The following METTL25 variants were observed in gnomAD, a reference collection of about 807,000 sequenced individuals.
METTL25 encodes probable methyltransferase-like protein 25.
METTL25 carries 64 observed loss-of-function variants against 71.6 expected under a neutral mutation model. The ratio of observed to expected loss-of-function variants is 0.89; its 90% CI spans 0.73 to 1.10. The LOEUF is 1.10. METTL25 is among the 50% of genes least tolerant of loss of function. METTL25 has a pLI of 0.00. For missense variants in METTL25, 807 were observed against 707.0 expected (o/e 1.14, Z -1.60); for synonymous variants, 287 against 250.3 (o/e 1.15, Z -1.38).
intron 9 of METTL25, among the ~76,000 whole-genome samples, chr12:82,463,672 A>G (rs1205040777): frequency 6.6e-6 from 1 of 152,034 alleles, no homozygotes; most frequent in Non-Finnish European, 1.5e-5. Context: ...TCTTCTCCAT[A>G]GTGGCTATAC....
At chr12:82,393,909 G>C (rs1885839691) in intron 3 of METTL25, among the ~76,000 whole-genome samples, 1 of 151,642 alleles carries the variant, frequency 6.6e-6, no homozygotes. Flanking sequence ...TACTACTTTT[G>C]CTGTATCCCG....
intron 2 of METTL25, among the ~76,000 whole-genome samples, chr12:82,389,308 T>G (rs7969570): frequency 1.3e-5 from 2 of 152,098 alleles, no homozygotes; most frequent in African/African-American, 4.8e-5. Context: ...TATATTTGAT[T>G]TTAGTGTAAA....
At chr12:82,393,126 C>T (rs1885750317) in intron 3 of METTL25, among the ~76,000 whole-genome samples, 1 of 151,940 alleles carries the variant, frequency 6.6e-6, no homozygotes, top group South Asian at 2.1e-4. Flanking sequence ...TTTTGTGATT[C>T]CACATAAATT....
At chr12:82,444,688 A>G (rs552543548) in intron 8 of METTL25, among the ~76,000 whole-genome samples, 33 of 152,286 alleles carry the variant, frequency 2.2e-4, no homozygotes, top group African/African-American at 7.9e-4. Flanking sequence ...TAGCTTTTTT[A>G]TAGTAACAAA....
At chr12:82,450,402 A>AT in intron 8 of METTL25, among the ~76,000 whole-genome samples, 1 of 151,676 alleles carries the variant, frequency 6.6e-6, no homozygotes, top group Middle Eastern at 3.4e-3. Context: ...AATATATGTA[A>AT]TTTTTTTTCA....
intron 9 of METTL25, among the ~76,000 whole-genome samples, chr12:82,475,420 G>C (rs1039293865): frequency 2.0e-5 from 3 of 151,840 alleles, no homozygotes; most frequent in African/African-American, 7.3e-5. Context: ...TTTCTGGAAG[G>C]CTTCACAAGA....
intron 1 of METTL25, among the ~76,000 whole-genome samples, chr12:82,386,077 C>T (rs144578933): frequency 1.2e-3 from 186 of 152,240 alleles, no homozygotes; most frequent in African/African-American, 4.4e-3. Context: ...GACATTTACA[C>T]ACTAAGCTTA....
At chr12:82,435,296 C>G in intron 7 of METTL25, among the ~76,000 whole-genome samples, 1 of 150,870 alleles carries the variant, frequency 6.6e-6, no homozygotes, top group South Asian at 2.1e-4. Context: ...TTAAATTTAA[C>G]CTAAAGTTTA....
intron 1 of METTL25, among the ~76,000 whole-genome samples, chr12:82,365,599 A>G (rs1592579271): frequency 6.6e-6 from 1 of 152,242 alleles, no homozygotes; most frequent in Non-Finnish European, 1.5e-5. Flanking sequence ...AATCTGTAAC[A>G]TTCTCAGCAG....
chr12:82,471,044 A>C (rs140147429), intron 9 of METTL25, among the ~76,000 whole-genome samples: 3 of 152,314 alleles, frequency 2.0e-5, no homozygotes, highest in African/African-American at 7.2e-5. Context: ...TGTTCTGCAG[A>C]GGTCTAAGAA....
intron 3 of METTL25, among the ~76,000 whole-genome samples, chr12:82,394,452 C>A (rs10862486): frequency 5.3e-5 from 8 of 151,988 alleles, no homozygotes; most frequent in Non-Finnish European, 1.0e-4. Flanking sequence ...CCCTACATGC[C>A]GAACACCTTT....
At chr12:82,411,493 G>A (rs1887553208) in intron 5 of METTL25, among the ~76,000 whole-genome samples, 1 of 151,750 alleles carries the variant, frequency 6.6e-6, no homozygotes, top group Admixed American at 6.6e-5. Context: ...TTACCATAAA[G>A]TGGGGTATAT....
chr12:82,473,738 G>A (rs769236402), intron 9 of METTL25, among the ~76,000 whole-genome samples: 38 of 152,134 alleles, frequency 2.5e-4, no homozygotes, highest in African/African-American at 8.0e-4. Flanking sequence ...GAGAGGGCAC[G>A]CAGCAATTTT....
chr12:82,396,881 A>C (rs1028359369), intron 3 of METTL25, among the ~76,000 whole-genome samples: 4 of 152,150 alleles, frequency 2.6e-5, no homozygotes, highest in African/African-American at 9.6e-5. Flanking sequence ...TCCACTTAGC[A>C]CATAGTATTT....
At chr12:82,417,056 A>G (rs1367296943) in intron 5 of METTL25, among the ~76,000 whole-genome samples, 1 of 152,140 alleles carries the variant, frequency 6.6e-6, no homozygotes, top group Non-Finnish European at 1.5e-5. Context: ...AGAGTGTGTC[A>G]ATCTACATGG....
intron 1 of METTL25, among the ~76,000 whole-genome samples, chr12:82,377,536 A>G (rs1224182792): frequency 6.6e-6 from 1 of 152,218 alleles, no homozygotes; most frequent in Non-Finnish European, 1.5e-5. Flanking sequence ...AATACTGGAG[A>G]GTAAAGTTTA....
intron 6 of METTL25, among the ~76,000 whole-genome samples, chr12:82,433,787 T>C (rs190978357): frequency 1.8e-3 from 268 of 151,674 alleles, no homozygotes; most frequent in South Asian, 5.8e-3. Context: ...TATGAAAATA[T>C]AAAAACCTGA....
chr12:82,472,458 C>T (rs1441322598), intron 9 of METTL25, among the ~76,000 whole-genome samples: 1 of 152,042 alleles, frequency 6.6e-6, no homozygotes, highest in Non-Finnish European at 1.5e-5. Flanking sequence ...ATTAGCCAGG[C>T]GTGGTGGCGG....
intron 5 of METTL25, among the ~76,000 whole-genome samples, chr12:82,423,534 T>C (rs1337718048): frequency 5.3e-5 from 8 of 152,042 alleles, no homozygotes; most frequent in South Asian, 4.1e-4. Flanking sequence ...AAGCCAAAAT[T>C]GACAAATGGG....
Sources: gnomAD v4.1 joint callset for allele counts (sites outside exome capture counted in the v4.1 genomes callset) on GRCh38, gnomAD v4.1.1 for gene constraint, MANE v1.5 for transcripts, NCBI Gene and HGNC (gene_info 2026-07-23, HGNC 2026-07-21) for gene names.